The following HSPA4 variants were observed in gnomAD, a reference collection of about 807,000 sequenced individuals.
HSPA4 encodes the protein heat shock protein family A (Hsp70) member 4.
In HSPA4, 25 loss-of-function variants were observed where a neutral mutation model predicts 106.2. That is an observed-to-expected ratio of 0.24 (90% CI 0.17 to 0.33). The LOEUF is 0.33. Ranked by LOEUF, HSPA4 falls within the 10% of genes least tolerant of loss-of-function variation. The pLI, the probability that HSPA4 is intolerant of heterozygous loss-of-function variation, is 1.00. For missense variants in HSPA4, 841 were observed against 996.0 expected, an observed-to-expected ratio of 0.84 and a Z score of 2.10; for synonymous variants, 332 against 333.6, an observed-to-expected ratio of 1.00 and a Z score of 0.05.
At chr5:133,097,344 G>C in intron 15 of HSPA4, 58 bp downstream of exon 15, 3 of 1,512,198 alleles carry the variant, frequency 2.0e-6, no homozygotes, top group Non-Finnish European at 9.1e-7. Flanking sequence ...TCTTTAAGTG[G>C]GTTAGAAGGG....
At chr5:133,066,609 G>T (rs1015482893) in intron 2 of HSPA4, among the ~76,000 whole-genome samples, 3 of 151,676 alleles carry the variant, frequency 2.0e-5, no homozygotes. Context: ...CTGTTTCTAG[G>T]CGTCTGCTAC....
intron 7 of HSPA4, among the ~76,000 whole-genome samples, chr5:133,079,754 G>A (rs73264434): frequency 0.023 from 3,454 of 152,190 alleles, 131 homozygotes; most frequent in African/African-American, 0.075. Flanking sequence ...GTTTCTCCAC[G>A]TCTTTGTCAA....
At chr5:133,071,647 C>T (rs1038790332) in intron 4 of HSPA4, among the ~76,000 whole-genome samples, 1 of 152,200 alleles carries the variant, frequency 6.6e-6, no homozygotes, top group Admixed American at 6.5e-5. Context: ...ACTTTAGTTT[C>T]ATGGCCTCTT....
chr5:133,070,239 CT>C (rs113739155), intron 3 of HSPA4, 134 bp from the exon 4 acceptor site: 74,066 of 654,314 alleles, frequency 0.11, 220 homozygotes, highest in East Asian at 0.13. Flanking sequence ...CGAAAACTAG[CT>C]TTTTTTTTTT....
intron 17 of HSPA4, among the ~76,000 whole-genome samples, chr5:133,103,283 A>G (rs373753814): frequency 6.6e-6 from 1 of 151,422 alleles, no homozygotes; most frequent in African/African-American, 2.4e-5. Flanking sequence ...TCTTGAAGTC[A>G]TGAGCTTAAG....
chr5:133,102,067 C>T (rs1045047206), intron 17 of HSPA4, among the ~76,000 whole-genome samples, 189 bp downstream of exon 17: 2 of 151,820 alleles, frequency 1.3e-5, no homozygotes, highest in Admixed American at 6.6e-5. Context: ...GCTGGGATTA[C>T]AGGCGTGCAC....
intron 1 of HSPA4, among the ~76,000 whole-genome samples, chr5:133,053,744 C>T (rs1765121125): frequency 6.6e-6 from 1 of 151,866 alleles, no homozygotes; most frequent in East Asian, 1.9e-4. Flanking sequence ...ATTGCAACCT[C>T]GGCCTCTGGG....
Position 133,105,288 on chromosome 5 carries a change from ATTTTG to A in HSPA4, c.*853_*857del, listed in dbSNP as rs1765842764. On this transcript the variant is annotated 3_prime_UTR_variant, in exon 19 of 19. Transcript: ENST00000304858. ...ATTCAGGTGGGAGATGTTCTGTATA[ATTTTG>A]AGGTATAGCTTGAACTCCTAGAACA... 6.6e-6 allele frequency: 1 copy of A among 152,194 alleles called. No individual in the cohort carries two copies. The allele number at this position is 152,194 out of a possible 1,614,324, so 9.4% of individuals were successfully genotyped here. A position where few individuals can be genotyped will look rare whatever the true frequency, so the allele number is the denominator to read the frequency against.
Position 133,104,412 on chromosome 5 carries a change from G to C in HSPA4, c.2499G>C (p.Lys833Asn), listed in dbSNP as rs760302346. Residue 833 changes from lysine (K) to asparagine (N), a missense_variant, in exon 19 of 19, where the codon AAG becomes AAC. Physicochemically the swap from Lys to Asn is moderately conservative, Grantham distance 94. Coordinates refer to ENST00000304858, the MANE Select transcript of HSPA4 (RefSeq NM_002154.4). Reference protein sequence around the residue: ...DTAVPSDSDKKLPEMDID With the variant: ...DTAVPSDSDKNLPEMDID Reference sequence around the variant, plus strand: ...CTGTGCCTTCGGATTCAGACAAGAAGCTTCCTGAAATGGACATTGATTGAT... The same window carrying C: ...CTGTGCCTTCGGATTCAGACAAGAACCTTCCTGAAATGGACATTGATTGAT... 4.3e-6 allele frequency: 7 copies of C among 1,614,160 alleles called. No homozygotes were observed. The highest frequency in any genetic ancestry group is 1.6e-4 in the Middle Eastern group (1 of 6,062).
chr5:133,060,142 C>G (rs1301377319), intron 1 of HSPA4, among the ~76,000 whole-genome samples: 1 of 149,932 alleles, frequency 6.7e-6, no homozygotes, highest in Non-Finnish European at 1.5e-5. Flanking sequence ...TAGTGGCCCT[C>G]TGTGGTGGGG....
chr5:133,091,022 G>T, intron 11 of HSPA4, 171 bp from the exon 12 acceptor site: 1 of 706,644 alleles, frequency 1.4e-6, no homozygotes, highest in Non-Finnish European at 2.6e-6. Flanking sequence ...AAAGAAGAAA[G>T]AGAAATCTGA....
At chr5:133,057,444 C>T (rs1241047148) in intron 1 of HSPA4, among the ~76,000 whole-genome samples, 1 of 151,770 alleles carries the variant, frequency 6.6e-6, no homozygotes, top group Non-Finnish European at 1.5e-5. Flanking sequence ...CTGCAACCTC[C>T]GCCTTTCAGG....
Position 133,059,141 on chromosome 5 carries a change from A to G in HSPA4, c.108-5839A>G, listed in dbSNP as rs568435576. ...AGACTCCGTCTCAAAAATAGTAATA[A>G]TAATAATAATAGAATAATAAAAGAG... On this transcript the variant is annotated intron_variant, in intron 1 of 18. Coordinates refer to ENST00000304858, the MANE Select transcript of HSPA4 (RefSeq NM_002154.4). Among the ~76,000 whole-genome samples the G allele has an allele frequency of 8.1e-4, 117 of 143,912 alleles. 1 individual carries two copies. Among genetic ancestry groups the G allele is most frequent in the Non-Finnish European group, 1.3e-3 (88 of 65,970 alleles). 94.4% of individuals were successfully genotyped at this position (143,912 alleles called of 152,430 possible).
At chr5:133,054,318 T>G (rs1765131523) in intron 1 of HSPA4, among the ~76,000 whole-genome samples, 1 of 152,144 alleles carries the variant, frequency 6.6e-6, no homozygotes, top group South Asian at 2.1e-4. Context: ...TTCTCCTGCG[T>G]CAGCCTCCCG....
chr5:133,099,827 TAAC>T (rs1351747514), intron 16 of HSPA4, among the ~76,000 whole-genome samples, 175 bp downstream of exon 16: 3 of 152,182 alleles, frequency 2.0e-5, no homozygotes, highest in Non-Finnish European at 2.9e-5. Flanking sequence ...AACCTTGTAA[TAAC>T]AAAATGATTT....
In HSPA4 at chr5:133,072,392, GTTTTTTTTTTT is replaced by G. The variant is rs748459297; in HGVS notation, c.430-825_430-815del. ...GTTCTGCCTAGCCTGGTCCAGGGTT[GTTTTTTTTTTT>G]TTTTTTTTTTTTGGAGACTGAGTTT... On this transcript the variant is annotated intron_variant, in intron 4 of 18. Coordinates refer to ENST00000304858, the MANE Select transcript of HSPA4 (RefSeq NM_002154.4). Among the ~76,000 whole-genome samples, 670 of 75,770 alleles carry G rather than the reference GTTTTTTTTTTT, an allele frequency of 8.8e-3. 7 individuals carry two copies. The highest frequency in any genetic ancestry group is 0.034 in the African/African-American group (648 of 18,902). The allele number at this position is 75,770 out of a possible 152,430, so 49.7% of individuals were successfully genotyped here.
intron 15 of HSPA4, among the ~76,000 whole-genome samples, chr5:133,098,342 C>A (rs556112943): frequency 2.0e-5 from 3 of 152,200 alleles, no homozygotes; most frequent in African/African-American, 7.2e-5. Flanking sequence ...GACGGAGTCT[C>A]GCTCTGTCGC....
intron 13 of HSPA4, among the ~76,000 whole-genome samples, chr5:133,094,141 TTAATGTAAA>T (rs1765683087): frequency 6.6e-6 from 1 of 152,234 alleles, no homozygotes; most frequent in Non-Finnish European, 1.5e-5. Context: ...TATTTTGTGA[TTAATGTAAA>T]TAATGTATTT....
chr5:133,077,539 G>A (rs1423517426), intron 7 of HSPA4, among the ~76,000 whole-genome samples: 4 of 152,156 alleles, frequency 2.6e-5, no homozygotes, highest in Admixed American at 6.5e-5. Flanking sequence ...TGCCTAGCCC[G>A]AAATTTTTCT....
Sources: gnomAD v4.1 joint callset for allele counts (sites outside exome capture counted in the v4.1 genomes callset) on GRCh38, gnomAD v4.1.1 for gene constraint, MANE v1.5 for transcripts, NCBI Gene and HGNC (gene_info 2026-07-23, HGNC 2026-07-21) for gene names.